The following JADE3 variants were observed in gnomAD, a reference collection of about 807,000 sequenced individuals.
The protein encoded by JADE3 is jade family PHD finger 3, also known as protein Jade-3.
JADE3 carries 2 observed loss-of-function variants against 50.1 expected under a neutral mutation model. The observed-to-expected ratio is 0.04, with a 90% CI of 0.02 to 0.13. The LOEUF (loss-of-function observed/expected upper bound fraction) is 0.13, where lower values mean the gene tolerates loss of function less well. Among genes scored for constraint, JADE3 ranks in the 10% least tolerant of loss-of-function variants. The probability of loss-of-function intolerance (pLI) is 1.00; values close to 1 mark genes in which losing one functional copy is unlikely to be tolerated. For missense variants in JADE3, 475 were observed against 634.4 expected (o/e 0.75, Z 2.70); for synonymous variants, 218 against 232.9 (o/e 0.94, Z 0.58).
At position 47,029,406 on chromosome X, in the gene JADE3, G is replaced by A. The variant is rs1047133995; in HGVS notation, c.687+1303G>A. Among the ~76,000 whole-genome samples, 3 of 111,831 alleles carry A rather than the reference G, an allele frequency of 2.7e-5. No homozygotes were observed. In the South Asian group the frequency reaches 1.1e-3, roughly 41 times the overall value. On this transcript the variant is annotated intron_variant, in intron 6 of 10. Coordinates refer to ENST00000614628, the MANE Select transcript of JADE3 (RefSeq NM_014735.5). Reference sequence around the variant, plus strand: ...CCTTCAGAAACTGTAAAGTGGCAGAGTAGAGTAGGGAAGGCATGGAAAGTG... The same window carrying A: ...CCTTCAGAAACTGTAAAGTGGCAGAATAGAGTAGGGAAGGCATGGAAAGTG...
At chrX:47,029,713 A>G (rs1281865387) in intron 6 of JADE3, among the ~76,000 whole-genome samples, 7 of 112,133 alleles carry the variant, frequency 6.2e-5, no homozygotes, top group Admixed American at 1.9e-4. Context: ...TACCTTTAAC[A>G]AAGTGAATTT....
intron 1 of JADE3, among the ~76,000 whole-genome samples, chrX:46,933,542 A>G (rs1926540361): frequency 8.9e-6 from 1 of 112,161 alleles, no homozygotes; most frequent in Non-Finnish European, 1.9e-5. Flanking sequence ...ACATCTTACA[A>G]TAAAAATTCA....
chrX:46,934,046 A>C (rs1267520540), intron 1 of JADE3, among the ~76,000 whole-genome samples: 1 of 111,901 alleles, frequency 8.9e-6, no homozygotes, highest in Non-Finnish European at 1.9e-5. Flanking sequence ...CTGGGTAAAA[A>C]TCCTTTGGTT....
chrX:47,059,118 C>A lies in JADE3; in HGVS notation c.*41C>A, dbSNP rs1017500845. ...GATGACCCAACCTTTGCCTTTGCCCCATATATTGGGGAAAACCCATACACC... is the reference window on the plus strand; with the variant it reads ...GATGACCCAACCTTTGCCTTTGCCCAATATATTGGGGAAAACCCATACACC... On this transcript the variant is annotated 3_prime_UTR_variant, in exon 11 of 11. Coordinates refer to ENST00000614628, the MANE Select transcript of JADE3 (RefSeq NM_014735.5). The A allele has an allele frequency of 1.9e-6, 2 of 1,028,291 alleles. No individual in the cohort carries two copies. The highest frequency in any genetic ancestry group is 2.7e-4 in the Middle Eastern group (1 of 3,720). 84.7% of individuals were successfully genotyped at this position (1,028,291 alleles called of 1,213,427 possible).
chrX:46,931,664 T>C (rs1926497643), intron 1 of JADE3, among the ~76,000 whole-genome samples: 1 of 111,231 alleles, frequency 9.0e-6, no homozygotes, highest in Non-Finnish European at 1.9e-5. Flanking sequence ...CCTCAGGCGA[T>C]CCACCTGCCT....
At chrX:46,925,648 G>A (rs782473802) in intron 1 of JADE3, among the ~76,000 whole-genome samples, 3 of 109,283 alleles carry the variant, frequency 2.7e-5, no homozygotes, top group South Asian at 4.0e-4. Flanking sequence ...AGTGAAACCC[G>A]GTCTCTACTA....
intron 4 of JADE3, among the ~76,000 whole-genome samples, chrX:46,998,868 G>T (rs1481511733): frequency 3.7e-5 from 4 of 109,360 alleles, no homozygotes; most frequent in African/African-American, 1.0e-4. Flanking sequence ...AATTTTTTTG[G>T]TATTTGTTTT....
intron 8 of JADE3, among the ~76,000 whole-genome samples, chrX:47,051,981 C>T (rs1929517985): frequency 9.1e-6 from 1 of 110,335 alleles, no homozygotes; most frequent in African/African-American, 3.3e-5. Flanking sequence ...ATAATCCCAG[C>T]TACTCACAAG....
At chrX:46,945,358 A>G (rs1926865296) in intron 1 of JADE3, among the ~76,000 whole-genome samples, 1 of 110,949 alleles carries the variant, frequency 9.0e-6, no homozygotes, top group South Asian at 3.9e-4. Context: ...CTGACTAGGT[A>G]CTTTATAGCA....
chrX:47,008,552 A>G (rs990002871), intron 4 of JADE3, among the ~76,000 whole-genome samples: 1 of 111,946 alleles, frequency 8.9e-6, no homozygotes, highest in Non-Finnish European at 1.9e-5. Context: ...ATTATTTTTT[A>G]TTTCACTATA....
chrX:47,022,943 A>G lies in JADE3; in HGVS notation c.285-1781A>G, dbSNP rs184611374. On this transcript the variant is annotated intron_variant, in intron 4 of 10. Transcript: ENST00000614628. ...GTTGGGAAATGGATTGAGTGTGCAT[A>G]GCTCCATGGCCTCTTGGCTTTAACT... Among the ~76,000 whole-genome samples, 7 of 111,430 alleles carry G rather than the reference A, an allele frequency of 6.3e-5. No homozygotes were observed. In the East Asian group the frequency reaches 1.4e-3, roughly 22 times the overall value.
At chrX:47,037,224 T>C (rs782623008) in intron 7 of JADE3, among the ~76,000 whole-genome samples, 16 of 111,519 alleles carry the variant, frequency 1.4e-4, no homozygotes, top group African/African-American at 5.2e-4. Context: ...ATGATAGTTA[T>C]GTGGTTTTAA....
chrX:46,988,080 T>G (rs1556355047), intron 3 of JADE3, among the ~76,000 whole-genome samples: 1 of 111,601 alleles, frequency 9.0e-6, no homozygotes, highest in Admixed American at 9.6e-5. Flanking sequence ...TGCCAAAAGC[T>G]TTACATTAAA....
At chrX:47,007,525 C>T (rs1321937320) in intron 4 of JADE3, among the ~76,000 whole-genome samples, 1 of 110,861 alleles carries the variant, frequency 9.0e-6, no homozygotes, top group Admixed American at 9.7e-5. Flanking sequence ...TATAATATTC[C>T]TCTTCATCTC....
chrX:46,913,602 T>A (rs1372175447), intron 1 of JADE3, among the ~76,000 whole-genome samples: 1 of 111,245 alleles, frequency 9.0e-6, no homozygotes, highest in East Asian at 2.8e-4. Context: ...TTGTTTTTTT[T>A]AATAGCCTTC....
intron 4 of JADE3, among the ~76,000 whole-genome samples, chrX:47,006,808 A>T (rs1189920383): frequency 9.1e-6 from 1 of 110,278 alleles, no homozygotes; most frequent in African/African-American, 3.3e-5. Flanking sequence ...ATAAATTTTG[A>T]TATGTTGAAT....
chrX:46,956,142 GA>G (rs1425524195), intron 1 of JADE3, among the ~76,000 whole-genome samples: 1 of 111,736 alleles, frequency 8.9e-6, no homozygotes, highest in Non-Finnish European at 1.9e-5. Flanking sequence ...TTGGCTCACT[GA>G]AACCTCTGCC....
rs915165536 is a variant in JADE3, at chrX:47,059,996, G to T, written c.*919G>T. ...TTTATTGAGGTATAATTAAAATATA[G>T]TAAAATGCACAGAGGTTAAGTATTC... On this transcript the variant is annotated 3_prime_UTR_variant, in exon 11 of 11. Coordinates refer to ENST00000614628, the MANE Select transcript of JADE3 (RefSeq NM_014735.5). 8.9e-6 allele frequency: 1 copy of T among 112,270 alleles called. No homozygotes were observed. Among genetic ancestry groups the T allele is most frequent in the Non-Finnish European group, 1.9e-5 (1 of 53,180 alleles). 9.3% of individuals were successfully genotyped at this position (112,270 alleles called of 1,213,427 possible).
chrX:47,019,670 A>G (rs1422497886), intron 4 of JADE3, among the ~76,000 whole-genome samples: 1 of 112,548 alleles, frequency 8.9e-6, no homozygotes, highest in East Asian at 2.8e-4. Flanking sequence ...GAAATGTAGC[A>G]TAGTCTGTAC....
Sources: allele counts gnomAD v4.1 joint callset (sites outside exome capture counted in the v4.1 genomes callset), GRCh38; gene constraint gnomAD v4.1.1; transcripts MANE v1.5; gene names NCBI Gene and HGNC (gene_info 2026-07-23, HGNC 2026-07-21).